Variants in PCAT7 observed in about 807,000 individuals in gnomAD.
The protein encoded by PCAT7 is prostate cancer associated transcript 7 (non-protein coding).
intron 2 of PCAT7, chr9:94,563,416 C>T: frequency 1.2e-6 from 2 of 1,613,986 alleles, no homozygotes; most frequent in Non-Finnish European, 1.7e-6. Context: ...TGCACGTCAG[C>T]CACCATGGAG....
rs1358956970 is a variant in PCAT7, at chr9:94,568,224, A to G, written n.442-4755A>G. ...TCTGGTATCCCACTCTTACCTGGAGAAAAGAGGAAGCCGCTTTCATCAGAC... is the reference window on the plus strand; with the variant it reads ...TCTGGTATCCCACTCTTACCTGGAGGAAAGAGGAAGCCGCTTTCATCAGAC... On this transcript the variant is annotated intron_variant and non_coding_transcript_variant, in intron 2 of 8. Transcript: ENST00000647389. The G allele has an allele frequency of 2.0e-5, 3 of 152,154 alleles. No homozygotes were observed. The South Asian group carries it at 6.2e-4, about 31-fold the overall frequency. The allele number at this position is 152,154 out of a possible 1,614,324, so 9.4% of individuals were successfully genotyped here.
chr9:94,559,951 C>T (rs1340362893), intron 2 of PCAT7, among the ~76,000 whole-genome samples: 4 of 151,966 alleles, frequency 2.6e-5, no homozygotes, highest in Non-Finnish European at 4.4e-5. Flanking sequence ...ATAGTGAGAC[C>T]CCATCTCTAC....
chr9:94,555,497 G>A (rs564838840), intron 1 of PCAT7, among the ~76,000 whole-genome samples: 41 of 149,240 alleles, frequency 2.7e-4, no homozygotes, highest in Non-Finnish European at 5.6e-4. Flanking sequence ...AGGGAAGGAA[G>A]GTTTTGCAGA....
intron 2 of PCAT7, among the ~76,000 whole-genome samples, chr9:94,561,069 A>C (rs559647447): frequency 6.6e-6 from 1 of 152,238 alleles, no homozygotes; most frequent in South Asian, 2.1e-4. Context: ...CAGTCTAGCC[A>C]AGGAGACTCT....
At chr9:94,574,125 C>G (rs1384995241) in intron 3 of PCAT7, among the ~76,000 whole-genome samples, 1 of 151,778 alleles carries the variant, frequency 6.6e-6, no homozygotes, top group Non-Finnish European at 1.5e-5. Flanking sequence ...TTTTGAAAAA[C>G]AAGGCAACCT....
chr9:94,563,377 G>A, intron 2 of PCAT7: 2 of 1,614,176 alleles, frequency 1.2e-6, no homozygotes. Flanking sequence ...GCTGGGTACA[G>A]GAAGATTCCT....
At chr9:94,572,376 G>C (rs1161816698) in intron 2 of PCAT7, among the ~76,000 whole-genome samples, 1 of 152,020 alleles carries the variant, frequency 6.6e-6, no homozygotes, top group African/African-American at 2.4e-5. Context: ...TCATAGATTA[G>C]TGATTCAAAC....
At chr9:94,560,579 C>T (rs1827082581) in intron 2 of PCAT7, among the ~76,000 whole-genome samples, 1 of 152,026 alleles carries the variant, frequency 6.6e-6, no homozygotes, top group Admixed American at 6.5e-5. Context: ...AAATGGTTGA[C>T]CCAGCTATGT....
chr9:94,573,108 T>C (rs529097810), intron 3 of PCAT7: 1 of 152,358 alleles, frequency 6.6e-6, no homozygotes, highest in East Asian at 1.9e-4. Flanking sequence ...CAGGATTACA[T>C]ATGTTGGGTA....
At chr9:94,559,554 C>T (rs1322614551) in intron 2 of PCAT7, among the ~76,000 whole-genome samples, 1 of 152,172 alleles carries the variant, frequency 6.6e-6, no homozygotes, top group East Asian at 1.9e-4. Flanking sequence ...GTAAGGTCAC[C>T]TTGACCATGC....
intron 2 of PCAT7, chr9:94,571,666 G>C: frequency 1.4e-6 from 2 of 1,457,558 alleles, no homozygotes; most frequent in Non-Finnish European, 1.9e-6. Flanking sequence ...CTTTGCCAGG[G>C]GCCTGGGCTT....
At chr9:94,563,477 C>G (rs770749332) in intron 2 of PCAT7, 4 of 1,610,732 alleles carry the variant, frequency 2.5e-6, no homozygotes, top group Admixed American at 1.7e-5. Context: ...AGACAGAAAG[C>G]GAAGAGACAA....
intron 2 of PCAT7, chr9:94,567,479 T>A (rs1294451756): frequency 2.5e-6 from 4 of 1,576,700 alleles, no homozygotes; most frequent in Non-Finnish European, 3.5e-6. Context: ...AATCCCCACA[T>A]CAGAGCAGGA....
In PCAT7 at chr9:94,563,493, A is replaced by G. The variant is rs555958293; in HGVS notation, n.441+4341A>G. 3.1e-4 allele frequency: 505 copies of G among 1,603,700 alleles called. 1 individual carries two copies. In the South Asian group the frequency reaches 5.4e-3, roughly 17 times the overall value. On this transcript the variant is annotated intron_variant and non_coding_transcript_variant, in intron 2 of 8. Transcript: ENST00000647389. The stretch of plus-strand genomic sequence containing the variant: ...GACAGAAAGCGAAGAGACAAGATCC[A>G]GTGGCTTTCAGGATTAGCCAGCACC...
upstream of PCAT7, among the ~76,000 whole-genome samples, chr9:94,554,855 G>A (rs377372200): frequency 3.3e-5 from 5 of 152,166 alleles, no homozygotes; most frequent in South Asian, 2.1e-4. Context: ...CGGGTACGTA[G>A]TAGCTCCCCA....
chr9:94,567,249 C>T, intron 2 of PCAT7: 1 of 1,613,784 alleles, frequency 6.2e-7, no homozygotes, highest in Non-Finnish European at 8.5e-7. Flanking sequence ...GTCTGCCACC[C>T]ACCTGGCTTT....
At chr9:94,557,297 C>T (rs1827026051) in intron 1 of PCAT7, among the ~76,000 whole-genome samples, 1 of 152,134 alleles carries the variant, frequency 6.6e-6, no homozygotes, top group African/African-American at 2.4e-5. Flanking sequence ...TGCATTGATT[C>T]TGTAGATCGC....
chr9:94,573,229 G>A (rs774242821), intron 3 of PCAT7, among the ~76,000 whole-genome samples: 3 of 151,940 alleles, frequency 2.0e-5, no homozygotes, highest in South Asian at 2.1e-4. Flanking sequence ...TAGAGTTAAG[G>A]GACGCTCCTC....
chr9:94,570,795 CCT>C (rs1240449409), intron 2 of PCAT7: 2 of 152,152 alleles, frequency 1.3e-5, no homozygotes, highest in Non-Finnish European at 2.9e-5. Flanking sequence ...TTTGCAAACC[CCT>C]CTCTCCACAC....
Sources: allele counts gnomAD v4.1 joint callset (sites outside exome capture counted in the v4.1 genomes callset), GRCh38; gene constraint gnomAD v4.1.1; transcripts MANE v1.5; gene names NCBI Gene and HGNC (gene_info 2026-07-23, HGNC 2026-07-21).